Variants in KCNK2 observed in about 807,000 individuals in gnomAD.
KCNK2 encodes potassium two pore domain channel subfamily K member 2.
Under a neutral mutation model 40.5 loss-of-function variants are expected in KCNK2, and 21 were observed. The observed-to-expected ratio is 0.52, with a 90% CI of 0.37 to 0.75. The LOEUF (loss-of-function observed/expected upper bound fraction) is 0.75. Among genes scored for constraint, KCNK2 ranks in the 30% least tolerant of loss-of-function variants. KCNK2 has a pLI of 0.00. For synonymous variants in KCNK2, 191 were observed against 202.2 expected (o/e 0.94, Z 0.47); for missense variants, 399 against 531.6 (o/e 0.75, Z 2.45).
intron 2 of KCNK2, among the ~76,000 whole-genome samples, chr1:215,111,119 T>G (rs1660664869): frequency 6.6e-6 from 1 of 152,168 alleles, no homozygotes; most frequent in African/African-American, 2.4e-5. Flanking sequence ...TTCCTTCACT[T>G]AGTAGTATGC....
chr1:215,182,338 T>A (rs1320135809), intron 5 of KCNK2, among the ~76,000 whole-genome samples: 1 of 151,502 alleles, frequency 6.6e-6, no homozygotes, highest in Non-Finnish European at 1.5e-5. Context: ...TGGAGAGGGG[T>A]TTGCTGCACA....
chr1:215,063,504 A>G (rs771608550), intron 1 of KCNK2, among the ~76,000 whole-genome samples: 5 of 152,156 alleles, frequency 3.3e-5, no homozygotes, highest in Admixed American at 6.6e-5. Context: ...TACTCAACAT[A>G]TCATGATTAC....
chr1:215,194,819 A>G, intron 5 of KCNK2, 134 bp from the exon 6 acceptor site: 1 of 589,676 alleles, frequency 1.7e-6, no homozygotes, highest in South Asian at 2.7e-5. Context: ...GAAGAAAATA[A>G]TGTAACTCCA....
intron 2 of KCNK2, among the ~76,000 whole-genome samples, chr1:215,093,720 A>T (rs1331072523): frequency 1.1e-5 from 1 of 89,410 alleles, no homozygotes; most frequent in Non-Finnish European, 2.0e-5. Flanking sequence ...TATATTATAT[A>T]AAAATATATA....
chr1:215,068,768 A>T (rs1463520659), intron 1 of KCNK2, among the ~76,000 whole-genome samples: 1 of 152,232 alleles, frequency 6.6e-6, no homozygotes, highest in Non-Finnish European at 1.5e-5. Context: ...GGTATAACAT[A>T]TGAGTCTTAG....
At chr1:215,021,988 G>A (rs995001098) in intron 1 of KCNK2, among the ~76,000 whole-genome samples, 59 of 152,066 alleles carry the variant, frequency 3.9e-4, no homozygotes, top group Non-Finnish European at 7.6e-4. Context: ...CTGGTTTTCA[G>A]GCATTTTGGC....
chr1:215,034,193 T>G (rs1657303916), intron 1 of KCNK2, among the ~76,000 whole-genome samples: 1 of 152,184 alleles, frequency 6.6e-6, no homozygotes, highest in Non-Finnish European at 1.5e-5. Context: ...GAGTGGTGAC[T>G]TCCAAGTTTC....
At chr1:215,012,701 G>A (rs11120462) in intron 1 of KCNK2, among the ~76,000 whole-genome samples, 3 of 142,136 alleles carry the variant, frequency 2.1e-5, no homozygotes, top group Non-Finnish European at 4.6e-5. Flanking sequence ...GCCCAGTTTC[G>A]TTCATCATTA....
At chr1:215,089,516 C>A (rs991428344) in intron 2 of KCNK2, among the ~76,000 whole-genome samples, 3 of 152,054 alleles carry the variant, frequency 2.0e-5, no homozygotes, top group Non-Finnish European at 4.4e-5. Flanking sequence ...TGGACTATAG[C>A]AACTTGATTT....
rs1657601869 is a variant in KCNK2 at position 215,042,406 on chromosome 1, G to A, written c.34+36451G>A. ...AACAAGGGATAGGAAAAGAAACTTG[G>A]TAAGGTTCATGGAGGAAGTAGAGTG... On this transcript the variant is annotated intron_variant, in intron 1 of 6. Coordinates refer to the KCNK2 transcript ENST00000391895. Among the ~76,000 whole-genome samples, 7 of 152,270 alleles carry A rather than the reference G, an allele frequency of 4.6e-5. No homozygotes were observed. In the South Asian group the frequency reaches 1.4e-3, roughly 32 times the overall value.
At chr1:215,056,499 C>CAAAAAAAA (rs376076606) in intron 1 of KCNK2, among the ~76,000 whole-genome samples, 15 of 55,120 alleles carry the variant, frequency 2.7e-4, no homozygotes, top group African/African-American at 4.1e-4. Flanking sequence ...GACTCAGTCT[C>CAAAAAAAA]AAAAAAAAAA....
At chr1:215,207,119 A>G (rs1665346409) in intron 6 of KCNK2, among the ~76,000 whole-genome samples, 1 of 152,146 alleles carries the variant, frequency 6.6e-6, no homozygotes, top group East Asian at 1.9e-4. Flanking sequence ...TCTCCCCCAA[A>G]TGGAGATAGC....
chr1:215,088,735 A>G (rs1659566231), intron 2 of KCNK2, among the ~76,000 whole-genome samples: 1 of 152,242 alleles, frequency 6.6e-6, no homozygotes, highest in African/African-American at 2.4e-5. Context: ...GGTGGTGAAT[A>G]CTGATCACTT....
intron 2 of KCNK2, among the ~76,000 whole-genome samples, chr1:215,122,948 G>A (rs1192048852): frequency 6.6e-6 from 1 of 151,632 alleles, no homozygotes; most frequent in Non-Finnish European, 1.5e-5. Flanking sequence ...GTTTCACCAT[G>A]TTAGCCAGGA....
chr1:215,076,025 T>G (rs1288507584), intron 1 of KCNK2, among the ~76,000 whole-genome samples: 1 of 152,222 alleles, frequency 6.6e-6, no homozygotes, highest in Non-Finnish European at 1.5e-5. Flanking sequence ...ACATTCAAGT[T>G]TGAAATCTAC....
At position 215,007,966 on chromosome 1, in the gene KCNK2, A is replaced by G. The variant is rs146451524; in HGVS notation, c.34+2011A>G. Among the ~76,000 whole-genome samples, 149 of 152,284 alleles carry G rather than the reference A, an allele frequency of 9.8e-4. 1 individual carries two copies. Among genetic ancestry groups the G allele is most frequent in the African/African-American group, 3.2e-3 (131 of 41,570 alleles). On this transcript the variant is annotated intron_variant, in intron 1 of 6. Transcript: ENST00000391895. ...AATTCTAATTAAAACAAGGCATTCT[A>G]CAGGAATAGCTTGGAAGTTCTTTTA...
At chr1:215,089,549 G>A (rs796562121) in intron 2 of KCNK2, among the ~76,000 whole-genome samples, 16 of 152,140 alleles carry the variant, frequency 1.1e-4, no homozygotes, top group African/African-American at 3.9e-4. Context: ...GTGTCTCAGG[G>A]TGGGGTTGGG....
At position 215,203,244 on chromosome 1, in the gene KCNK2, G is replaced by A. The variant is rs575854539; in HGVS notation, c.963+8152G>A. ...AAAAGAAATGATTTGTATGATTTCC[G>A]AAAAGTGAGTGGGTTTTGAGGCCAA... On this transcript the variant is annotated intron_variant, in intron 6 of 6. Coordinates refer to ENST00000444842, the MANE Select transcript of KCNK2 (RefSeq NM_001017425.3). Among the ~76,000 whole-genome samples, 5 of 152,272 alleles carry A rather than the reference G, an allele frequency of 3.3e-5. No individual in the cohort carries two copies. The East Asian group carries it at 7.7e-4, about 23-fold the overall frequency.
Position 215,131,052 on chromosome 1 carries a change from G to T in KCNK2, c.475+6302G>T, listed in dbSNP as rs929167386. Among the ~76,000 whole-genome samples, 29 of 150,912 alleles carry T rather than the reference G, an allele frequency of 1.9e-4. 1 individual carries two copies. The highest frequency in any genetic ancestry group is 1.7e-3 in the Admixed American group (26 of 15,178). ...ATTTTTTGTATTTTTAGTAGAGACG[G>T]GGTTTCACCGTGTTAGCCAAGATGG... On this transcript the variant is annotated intron_variant, in intron 3 of 6. Coordinates refer to ENST00000444842, the MANE Select transcript of KCNK2 (RefSeq NM_001017425.3).
Sources: gnomAD v4.1 joint callset for allele counts (sites outside exome capture counted in the v4.1 genomes callset) on GRCh38, gnomAD v4.1.1 for gene constraint, MANE v1.5 for transcripts, NCBI Gene and HGNC (gene_info 2026-07-23, HGNC 2026-07-21) for gene names.